The following WASF3 variants were observed in gnomAD, a reference collection of about 807,000 sequenced individuals.
WASF3 encodes WASP family member 3, also known as actin-binding protein WASF3.
A neutral mutation model predicts 46.6 loss-of-function variants in WASF3; 11 were observed. The ratio of observed to expected loss-of-function variants is 0.24; its 90% CI spans 0.15 to 0.39. The LOEUF (loss-of-function observed/expected upper bound fraction) is 0.39. WASF3 is among the 10% of genes least tolerant of loss of function. The probability of loss-of-function intolerance (pLI) is 1.00; values close to 1 mark genes in which losing one functional copy is unlikely to be tolerated. For synonymous variants in WASF3, 242 were observed against 259.7 expected (o/e 0.93, Z 0.65); for missense variants, 576 against 669.8 (o/e 0.86, Z 1.55).
chr13:26,633,200 C>CTTATTTTTTTTTTT (rs1881706785), intron 2 of WASF3, among the ~76,000 whole-genome samples: 1 of 90,420 alleles, frequency 1.1e-5, no homozygotes, highest in African/African-American at 4.1e-5. Flanking sequence ...TTAGTTATTT[C>CTTATTTTTTTTTTT]TTTTTTTTTT....
chr13:26,564,900 G>GTTTTTTTTTTTTTTTTTTTTTTT (rs66809412), intron 1 of WASF3, among the ~76,000 whole-genome samples: 10 of 81,634 alleles, frequency 1.2e-4, no homozygotes, highest in East Asian at 4.2e-4. Context: ...CAAGGTTGTG[G>GTTTTTTTTTTTTTTTTTTTTTTT]TTTTTTTTTT....
At chr13:26,632,375 G>A (rs1881676874) in intron 2 of WASF3, among the ~76,000 whole-genome samples, 1 of 152,126 alleles carries the variant, frequency 6.6e-6, no homozygotes, top group South Asian at 2.1e-4. Flanking sequence ...AGAGTTTTTA[G>A]CACAAAGGAC....
intron 2 of WASF3, among the ~76,000 whole-genome samples, chr13:26,631,705 G>A (rs1369824127): frequency 1.3e-5 from 2 of 152,248 alleles, no homozygotes; most frequent in South Asian, 2.1e-4. Flanking sequence ...CCAATTCTGT[G>A]AAGAAAGTCA....
intron 2 of WASF3, among the ~76,000 whole-genome samples, chr13:26,633,120 C>A (rs1047027595): frequency 2.0e-5 from 3 of 151,408 alleles, no homozygotes; most frequent in Non-Finnish European, 2.9e-5. Flanking sequence ...TTTCAGAAAA[C>A]CAGCTCCTGG....
intron 3 of WASF3, among the ~76,000 whole-genome samples, chr13:26,660,879 T>C (rs1370674125): frequency 6.6e-6 from 1 of 152,138 alleles, no homozygotes; most frequent in Non-Finnish European, 1.5e-5. Flanking sequence ...GAGCATCTGC[T>C]TCTGGTGAGG....
intron 2 of WASF3, among the ~76,000 whole-genome samples, chr13:26,624,790 C>T (rs2137248375): frequency 6.6e-6 from 1 of 152,284 alleles, no homozygotes; most frequent in East Asian, 1.9e-4. Flanking sequence ...TAACAGCAGA[C>T]TTCTTGTCAG....
chr13:26,618,120 G>T (rs957233975), intron 2 of WASF3, among the ~76,000 whole-genome samples: 1 of 152,110 alleles, frequency 6.6e-6, no homozygotes, highest in Non-Finnish European at 1.5e-5. Flanking sequence ...TTAATAGTGA[G>T]TTCACCCATT....
At chr13:26,667,773 A>C in intron 5 of WASF3, 103 bp downstream of exon 5, 2 of 1,168,076 alleles carry the variant, frequency 1.7e-6, no homozygotes, top group Non-Finnish European at 2.4e-6. Flanking sequence ...TTGATGGTTC[A>C]TCTGGGTTAA....
At chr13:26,558,552 T>C (rs937178153) in intron 1 of WASF3, among the ~76,000 whole-genome samples, 1 of 151,576 alleles carries the variant, frequency 6.6e-6, no homozygotes, top group South Asian at 2.1e-4. Context: ...GGGCAGAAGC[T>C]TCCTCTCAGT....
chr13:26,646,019 A>G (rs1463808618), intron 3 of WASF3, among the ~76,000 whole-genome samples: 1 of 152,246 alleles, frequency 6.6e-6, no homozygotes, highest in Non-Finnish European at 1.5e-5. Context: ...ATAACTTTGA[A>G]TTGGGTTCTG....
At chr13:26,633,860 T>G (rs1426101052) in intron 2 of WASF3, among the ~76,000 whole-genome samples, 1 of 152,240 alleles carries the variant, frequency 6.6e-6, no homozygotes, top group African/African-American at 2.4e-5. Context: ...AGAGACAGTT[T>G]CTTGTGATTT....
At chr13:26,554,040 T>TTCC (rs1566032347), upstream of WASF3, among the ~76,000 whole-genome samples, 69 of 35,550 alleles carry the variant, frequency 1.9e-3, 15 homozygotes, top group East Asian at 0.015. Flanking sequence ...TTTCTCTTTC[T>TTCC]TTCCTTCCTT....
At chr13:26,582,836 C>G (rs1460357665) in intron 1 of WASF3, among the ~76,000 whole-genome samples, 1 of 151,924 alleles carries the variant, frequency 6.6e-6, no homozygotes, top group Non-Finnish European at 1.5e-5. Context: ...GAGAGAAAAT[C>G]CCTAAGAAAC....
Position 26,671,877 on chromosome 13 carries a change from A to T in WASF3, c.428A>T (p.Asp143Val). Residue 143 changes from aspartate (D) to valine (V), a missense_variant, in exon 6 of 10, where the codon GAC (aspartate) becomes GTC (valine). Asp to Val is a radical substitution (Grantham distance 152). Around this residue, in one of 3 missense-constraint regions of WASF3, gnomAD observed 213 missense variants for 278.0 expected, o/e 0.77. Transcript: ENST00000335327. ...TACAATACATTGATTTGTAGAGATG[A>T]CAAGAAGGATGGGCTGAAGTTCTAT... ...PLNILTPYRDDKKDGLKFYTD... is the reference protein window; with the variant it reads ...PLNILTPYRDVKKDGLKFYTD... 1 of 1,587,418 alleles carries T rather than the reference A, an allele frequency of 6.3e-7. No homozygotes were observed. The highest frequency in any genetic ancestry group is 8.5e-7 in the Non-Finnish European group (1 of 1,171,280).
At chr13:26,643,742 TTAA>T (rs1420733282) in intron 3 of WASF3, among the ~76,000 whole-genome samples, 1 of 152,194 alleles carries the variant, frequency 6.6e-6, no homozygotes, top group African/African-American at 2.4e-5. Context: ...TGTCAGAGTT[TTAA>T]TAATCAATCT....
chr13:26,642,184 A>G (rs1035330600), intron 2 of WASF3, 77 bp from the exon 3 acceptor site: 33 of 1,429,662 alleles, frequency 2.3e-5, no homozygotes, highest in East Asian at 1.5e-4. Flanking sequence ...AAAATAGTCA[A>G]TTTTCAAGGG....
intron 2 of WASF3, among the ~76,000 whole-genome samples, chr13:26,613,668 G>T (rs1264799137): frequency 6.6e-6 from 1 of 152,156 alleles, no homozygotes; most frequent in Admixed American, 6.5e-5. Flanking sequence ...TGCTTGGGAG[G>T]CTGAGGCCCG....
rs759410889 is a variant in WASF3, at chr13:26,682,660, C to A, written c.1037C>A (p.Pro346Gln). Residue 346 changes from proline to glutamine, a missense_variant, in exon 9 of 10, where the codon CCG becomes CAG. By Grantham distance (76) the Pro-to-Gln change is moderately conservative (BLOSUM62 -1). This residue lies in a region of WASF3 where 295 missense variants were observed against 291.5 expected (regional missense o/e 1.01). Transcript: ENST00000335327. The surrounding 1 kb of genome is among the most constrained non-coding windows in gnomAD (Gnocchi z 4.4). ...TACAACCCATCCGGACCACCTCCTC[C>A]GCCACCTCCTCCTGTGATTCCCTCA... ...EYYNPSGPPP[P>Q]PPPPVIPSAQ... The A allele has an allele frequency of 6.2e-7, 1 of 1,614,142 alleles. No individual in the cohort carries two copies. Among genetic ancestry groups the A allele is most frequent in the East Asian group, 2.2e-5 (1 of 44,872 alleles).
chr13:26,549,336 G>A, the WASF3 span, among the ~76,000 whole-genome samples: 7 of 152,102 alleles, frequency 4.6e-5, no homozygotes, highest in Admixed American at 4.6e-4. Context: ...ACCTGCCTGG[G>A]TTTGCCTTTC....
Sources: gnomAD v4.1 joint callset for allele counts (sites outside exome capture counted in the v4.1 genomes callset) on GRCh38, gnomAD v4.1.1 for gene constraint, gnomAD v4.1.1 regional missense constraint, Gnocchi (gnomAD v3.1) non-coding constraint, MANE v1.5 for transcripts, NCBI Gene and HGNC (gene_info 2026-07-23, HGNC 2026-07-21) for gene names.